The following PRKN variants were observed in gnomAD, a reference collection of about 807,000 sequenced individuals.
PRKN encodes the protein parkin RBR E3 ubiquitin protein ligase, also known as E3 ubiquitin-protein ligase parkin.
In PRKN, 56 loss-of-function variants were observed where a neutral mutation model predicts 59.5. The observed-to-expected ratio is 0.94, with a 90% CI of 0.76 to 1.18. The LOEUF is 1.18. PRKN is among the 50% of genes most tolerant of loss of function. PRKN has a pLI of 0.00. For missense variants in PRKN, 657 were observed against 596.4 expected, an observed-to-expected ratio of 1.10 and a Z score of -1.06; for synonymous variants, 250 against 222.1, an observed-to-expected ratio of 1.13 and a Z score of -1.12.
intron 1 of PRKN, among the ~76,000 whole-genome samples, chr6:162,493,341 G>A (rs1415393522): frequency 6.6e-6 from 1 of 152,172 alleles, no homozygotes; most frequent in Admixed American, 6.5e-5. Context: ...GGTTTGTAGA[G>A]GCAAAGAGGG....
At chr6:162,545,311 A>T (rs1000293732) in intron 1 of PRKN, among the ~76,000 whole-genome samples, 24 of 152,226 alleles carry the variant, frequency 1.6e-4, no homozygotes, top group Middle Eastern at 3.4e-3. Context: ...AAAAAAATTT[A>T]AAAAATATCT....
chr6:162,085,189 A>C (rs1779204567), intron 4 of PRKN, among the ~76,000 whole-genome samples: 1 of 150,684 alleles, frequency 6.6e-6, no homozygotes, highest in African/African-American at 2.5e-5. Context: ...AGGCCTGCAC[A>C]AAGAAATGGA....
intron 9 of PRKN, among the ~76,000 whole-genome samples, chr6:161,535,000 C>T (rs549691238): frequency 2.1e-4 from 32 of 152,314 alleles, no homozygotes; most frequent in African/African-American, 7.5e-4. Flanking sequence ...ATACCACATT[C>T]AATTTGTAAC....
chr6:162,174,053 G>T (rs550560867), intron 4 of PRKN, among the ~76,000 whole-genome samples: 13 of 152,314 alleles, frequency 8.5e-5, no homozygotes, highest in African/African-American at 2.9e-4. Context: ...AAATGTTAAG[G>T]AAGAGAGGGC....
chr6:161,966,333 T>G (rs1784592), intron 6 of PRKN, among the ~76,000 whole-genome samples: 3 of 151,180 alleles, frequency 2.0e-5, no homozygotes, highest in Non-Finnish European at 4.4e-5. Flanking sequence ...ATGTTTTCAA[T>G]TTTTACCCTT....
At chr6:161,972,912 T>C (rs1415924984) in intron 6 of PRKN, among the ~76,000 whole-genome samples, 1 of 152,208 alleles carries the variant, frequency 6.6e-6, no homozygotes. Flanking sequence ...ACATGCCTAA[T>C]GTTAACATTT....
chr6:161,621,223 G>A (rs1782885943), intron 7 of PRKN, among the ~76,000 whole-genome samples: 1 of 152,152 alleles, frequency 6.6e-6, no homozygotes, highest in South Asian at 2.1e-4. Flanking sequence ...ACATATATGA[G>A]GGGAGATTTC....
chr6:161,426,642 T>C (rs1302543588), intron 9 of PRKN, among the ~76,000 whole-genome samples: 1 of 25,212 alleles, frequency 4.0e-5, no homozygotes, highest in East Asian at 7.2e-4. Flanking sequence ...TAAACTCCCC[T>C]TTACACACAC....
chr6:162,509,865 C>A (rs1777515985), intron 1 of PRKN, among the ~76,000 whole-genome samples: 1 of 152,108 alleles, frequency 6.6e-6, no homozygotes, highest in African/African-American at 2.4e-5. Context: ...ACTGGATGGC[C>A]CTGCTGTTCC....
At chr6:161,879,565 C>T (rs144495181) in intron 6 of PRKN, among the ~76,000 whole-genome samples, 2 of 152,088 alleles carry the variant, frequency 1.3e-5, no homozygotes, top group African/African-American at 4.8e-5. Flanking sequence ...CCAGGATGGT[C>T]TCGATCTCCT....
chr6:161,789,758 C>G (rs753417001), intron 6 of PRKN, among the ~76,000 whole-genome samples: 2 of 152,108 alleles, frequency 1.3e-5, no homozygotes, highest in African/African-American at 4.8e-5. Context: ...CTTGCTTAAC[C>G]CTTTCATGAC....
Position 161,362,360 on chromosome 6 carries a change from C to A in PRKN, c.1168-2155G>T, listed in dbSNP as rs972339292. On this transcript the variant is annotated intron_variant, in intron 10 of 11. Coordinates refer to ENST00000366898, the MANE Select transcript of PRKN (RefSeq NM_004562.3). This position sits in a 1 kb window ranked among gnomAD's most constrained non-coding sequence, Gnocchi z 5.2. ...CTGTGGGGCTATCTTCTTAGTCCCG[C>A]GCTGCCCATCATCTGGGTCTTCCCA... Among the ~76,000 whole-genome samples, 1 of 152,170 alleles carries A rather than the reference C, an allele frequency of 6.6e-6. No individual in the cohort carries two copies. The highest frequency in any genetic ancestry group is 2.4e-5 in the African/African-American group (1 of 41,444).
intron 3 of PRKN, among the ~76,000 whole-genome samples, chr6:162,247,244 A>T (rs1440578866): frequency 6.6e-6 from 1 of 152,200 alleles, no homozygotes; most frequent in Admixed American, 6.5e-5. Flanking sequence ...CTGAGACTTA[A>T]ATAGAAGAAA....
intron 1 of PRKN, among the ~76,000 whole-genome samples, chr6:162,655,756 C>A (rs1344257933): frequency 6.6e-6 from 1 of 152,152 alleles, no homozygotes; most frequent in Non-Finnish European, 1.5e-5. Context: ...TACCATATGG[C>A]ATTTCCTCCT....
chr6:162,549,439 A>G (rs7740421), intron 1 of PRKN, among the ~76,000 whole-genome samples: 14,923 of 152,196 alleles, frequency 0.098, 809 homozygotes, highest in South Asian at 0.17. Flanking sequence ...AATTATGTCA[A>G]CAGCACCCTC....
At chr6:161,605,045 A>T (rs746387096) in intron 7 of PRKN, among the ~76,000 whole-genome samples, 1 of 152,242 alleles carries the variant, frequency 6.6e-6, no homozygotes, top group African/African-American at 2.4e-5. Flanking sequence ...AACATAAATT[A>T]GAATAAAATA....
chr6:162,251,281 A>C (rs181966633), intron 3 of PRKN, among the ~76,000 whole-genome samples: 1 of 152,266 alleles, frequency 6.6e-6, no homozygotes, highest in African/African-American at 2.4e-5. Context: ...GAGGATCAGG[A>C]GACAGGAAAA....
At chr6:162,716,933 A>G (rs1396147550) in intron 1 of PRKN, among the ~76,000 whole-genome samples, 1 of 152,166 alleles carries the variant, frequency 6.6e-6, no homozygotes, top group Non-Finnish European at 1.5e-5. Context: ...CAAATGGTGA[A>G]GCATTACTGG....
In PRKN at chr6:161,357,384, C is replaced by T. The variant is rs918490677; in HGVS notation, c.1285+2704G>A. 2.0e-5 allele frequency among the ~76,000 whole-genome samples: 3 copies of T among 152,138 alleles called. No individual in the cohort carries two copies. Among genetic ancestry groups the T allele is most frequent in the Non-Finnish European group, 4.4e-5 (3 of 68,038 alleles). On this transcript the variant is annotated intron_variant, in intron 11 of 11. Transcript: ENST00000366898. The surrounding 1 kb of genome is among the most constrained non-coding windows in gnomAD (Gnocchi z 5.5). ...CCACTTCTTATCTTGCAAACTGCCA[C>T]CACCAGAGTCTGGGCTACCGAGGAG...
Sources: gnomAD v4.1 joint callset for allele counts (sites outside exome capture counted in the v4.1 genomes callset) on GRCh38, gnomAD v4.1.1 for gene constraint, Gnocchi (gnomAD v3.1) non-coding constraint, MANE v1.5 for transcripts, NCBI Gene and HGNC (gene_info 2026-07-23, HGNC 2026-07-21) for gene names.